Variants in CDH23 observed in about 807,000 individuals in gnomAD.
CDH23 encodes the protein cadherin-23.
A neutral mutation model predicts 317.1 loss-of-function variants in CDH23; 189 were observed. That is an observed-to-expected ratio of 0.60 (90% CI 0.53 to 0.67). The LOEUF is 0.67. CDH23 is among the 30% of genes least tolerant of loss of function. The probability of loss-of-function intolerance (pLI) is 0.00; values close to 1 mark genes in which losing one functional copy is unlikely to be tolerated. For missense variants in CDH23, 4,401 were observed against 4,592.4 expected (o/e 0.96, Z 1.20); for synonymous variants, 1,839 against 1,876.8 (o/e 0.98, Z 0.52).
intron 11 of CDH23, among the ~76,000 whole-genome samples, chr10:71,641,555 G>T (rs886110295): frequency 1.3e-5 from 2 of 152,182 alleles, no homozygotes; most frequent in Non-Finnish European, 2.9e-5. Flanking sequence ...CTCCTCAAAA[G>T]GTGGCTTCAG....
intron 11 of CDH23, among the ~76,000 whole-genome samples, chr10:71,623,500 G>A (rs1861565151): frequency 6.6e-6 from 1 of 152,190 alleles, no homozygotes; most frequent in Admixed American, 6.5e-5. Flanking sequence ...TCTGTTACTG[G>A]GAGCCCCAGG....
intron 1 of CDH23, among the ~76,000 whole-genome samples, chr10:71,427,695 A>G (rs1264812224): frequency 6.6e-6 from 1 of 150,868 alleles, no homozygotes; most frequent in East Asian, 1.9e-4. Flanking sequence ...CCTGGAGCAT[A>G]GGGTAATTCT....
intron 48 of CDH23, 182 bp from the exon 49 acceptor site, chr10:71,796,922 G>A: frequency 1.8e-6 from 1 of 554,746 alleles, no homozygotes; most frequent in Non-Finnish European, 3.3e-6. Flanking sequence ...CATGGGAGGG[G>A]CAGAGCCACG....
chr10:71,432,326 GA>G (rs1489584980), intron 1 of CDH23, among the ~76,000 whole-genome samples: 3 of 99,636 alleles, frequency 3.0e-5, no homozygotes, highest in African/African-American at 4.4e-5. Flanking sequence ...GTGTGTGTTT[GA>G]AAAAGTGTGT....
chr10:71,736,796 T>C (rs1393394457), intron 34 of CDH23, among the ~76,000 whole-genome samples: 1 of 152,170 alleles, frequency 6.6e-6, no homozygotes, highest in Non-Finnish European at 1.5e-5. Context: ...TTCCTAAGTG[T>C]ACGATACAGT....
intron 69 of CDH23, among the ~76,000 whole-genome samples, chr10:71,814,141 A>G (rs1564809956): frequency 6.6e-6 from 1 of 152,198 alleles, no homozygotes. Context: ...TCCTATTGAC[A>G]CTTTCTGCCT....
At chr10:71,680,898 G>A (rs1265024921) in intron 17 of CDH23, among the ~76,000 whole-genome samples, 11 of 125,210 alleles carry the variant, frequency 8.8e-5, no homozygotes, top group Non-Finnish European at 1.6e-4. Context: ...GCTCGATCTC[G>A]GCTCATTGCA....
At chr10:71,695,548 A>G in intron 22 of CDH23, 23 bp downstream of exon 22, 1 of 1,559,258 alleles carries the variant, frequency 6.4e-7, no homozygotes. Context: ...AGAGCAGCAG[A>G]ACTGCCAGGC....
chr10:71,634,147 G>A (rs1165527560), intron 11 of CDH23, among the ~76,000 whole-genome samples: 1 of 152,258 alleles, frequency 6.6e-6, no homozygotes, highest in African/African-American at 2.4e-5. Flanking sequence ...GAGGCCTCTA[G>A]AGGGCCTGGC....
At position 71,812,004 on chromosome 10, in the gene CDH23, C is replaced by G. The variant is rs1371421281; in HGVS notation, c.9369C>G (p.Tyr3123Ter). The change falls in exon 66 of 70, where the codon TAC becomes TAG. Residue 3123 changes from tyrosine (Y) to a stop codon, truncating the protein, a stop_gained. Coordinates refer to ENST00000224721, the MANE Select transcript of CDH23 (RefSeq NM_022124.6). LOFTEE classifies it high-confidence loss of function. ...TGGACATGCCTAACACCAACAAGTA[C>G]TCCTTTGATGGGTGAGTGGGGTACT... ...DIMDMPNTNK[Y>*]SFDGANPVWL... 6.2e-7 allele frequency: 1 copy of G among 1,612,094 alleles called. No homozygotes were observed. The highest frequency in any genetic ancestry group is 1.3e-5 in the African/African-American group (1 of 74,894).
chr10:71,526,424 T>C (rs1855044215), intron 6 of CDH23, among the ~76,000 whole-genome samples: 1 of 152,210 alleles, frequency 6.6e-6, no homozygotes, highest in Non-Finnish European at 1.5e-5. Flanking sequence ...TCTGCTTCTC[T>C]ATTTCTGAGG....
chr10:71,808,119 C>T, intron 60 of CDH23, 112 bp downstream of exon 60: 1 of 1,332,456 alleles, frequency 7.5e-7, no homozygotes, highest in Non-Finnish European at 1.0e-6. Context: ...TATGGGTGGC[C>T]CCCCAGCCAG....
chr10:71,483,860 T>C (rs559406250), intron 3 of CDH23, among the ~76,000 whole-genome samples: 3 of 152,180 alleles, frequency 2.0e-5, no homozygotes, highest in African/African-American at 7.2e-5. Context: ...CTGTGTTCAC[T>C]CTCCCCCCAC....
chr10:71,698,739 C>T (rs894529040), intron 22 of CDH23, among the ~76,000 whole-genome samples: 4 of 152,230 alleles, frequency 2.6e-5, no homozygotes, highest in Non-Finnish European at 5.9e-5. Context: ...TCTAAAGTAG[C>T]TCTGACCCCT....
chr10:71,612,132 A>T (rs1288893727), intron 9 of CDH23, among the ~76,000 whole-genome samples: 3 of 152,086 alleles, frequency 2.0e-5, no homozygotes, highest in African/African-American at 7.2e-5. Context: ...CTCCCTAGGT[A>T]TAGCTCTTTC....
intron 22 of CDH23, among the ~76,000 whole-genome samples, chr10:71,701,285 G>C: frequency 6.6e-6 from 1 of 152,316 alleles, no homozygotes; most frequent in East Asian, 1.9e-4. Flanking sequence ...GCGGGGGATC[G>C]GTGCACGCAG....
chr10:71,421,706 G>A (rs1233691500), intron 1 of CDH23, among the ~76,000 whole-genome samples: 1 of 152,122 alleles, frequency 6.6e-6, no homozygotes, highest in Admixed American at 6.5e-5. Context: ...CTTAAATTGA[G>A]TATTTTAAAA....
chr10:71,601,358 C>A (rs1400787105), intron 9 of CDH23, among the ~76,000 whole-genome samples: 1 of 152,224 alleles, frequency 6.6e-6, no homozygotes, highest in Non-Finnish European at 1.5e-5. Flanking sequence ...GGACACTGTG[C>A]TGAACTAAGT....
chr10:71,465,466 G>A (rs867587827), intron 3 of CDH23, among the ~76,000 whole-genome samples: 3 of 152,214 alleles, frequency 2.0e-5, no homozygotes, highest in Non-Finnish European at 4.4e-5. Flanking sequence ...CCCCAGGGTC[G>A]AGAGACTCCT....
Sources: gnomAD v4.1 joint callset for allele counts (sites outside exome capture counted in the v4.1 genomes callset) on GRCh38, gnomAD v4.1.1 for gene constraint, MANE v1.5 for transcripts, NCBI Gene and HGNC (gene_info 2026-07-23, HGNC 2026-07-21) for gene names.